The following ECT2 variants were observed in gnomAD, a reference collection of about 807,000 sequenced individuals.
ECT2 encodes the protein protein ECT2.
In ECT2, 61 loss-of-function variants were observed where a neutral mutation model predicts 116.9. The ratio of observed to expected loss-of-function variants is 0.52; its 90% CI spans 0.42 to 0.65. ECT2 has a LOEUF of 0.65. Among genes scored for constraint, ECT2 ranks in the 30% least tolerant of loss-of-function variants. The pLI is 0.00. For missense variants in ECT2, 937 were observed against 1,078.7 expected, an observed-to-expected ratio of 0.87 and a Z score of 1.84; for synonymous variants, 358 against 346.4, an observed-to-expected ratio of 1.03 and a Z score of -0.37.
chr3:172,778,044 A>G (rs527477505), intron 14 of ECT2, among the ~76,000 whole-genome samples: 5 of 152,298 alleles, frequency 3.3e-5, no homozygotes, highest in South Asian at 2.1e-4. Flanking sequence ...TTACTGTGCA[A>G]TGAGCTCAGC....
intron 22 of ECT2, among the ~76,000 whole-genome samples, chr3:172,809,573 ACACACACACACACACACACACACACG>A (rs1485735160): frequency 4.9e-5 from 5 of 101,026 alleles, no homozygotes; most frequent in African/African-American, 1.7e-4. Flanking sequence ...ATATCTACAC[ACACACACACACACACACACACACACG>A]CACACACACA....
downstream of ECT2, among the ~76,000 whole-genome samples, chr3:172,823,933 CT>C (rs71162315): frequency 0.66 from 83,390 of 126,358 alleles, 26,399 homozygotes; most frequent in East Asian, 0.72. Context: ...AAGTTTTTCT[CT>C]TTTTTTTTTT....
intron 18 of ECT2, among the ~76,000 whole-genome samples, chr3:172,800,946 G>C (rs1259733761): frequency 6.6e-6 from 1 of 152,122 alleles, no homozygotes; most frequent in East Asian, 1.9e-4. Flanking sequence ...GAATTTTGTT[G>C]TTATGAGGCT....
downstream of ECT2, among the ~76,000 whole-genome samples, chr3:172,826,423 C>A (rs1427041823): frequency 6.6e-6 from 1 of 152,202 alleles, no homozygotes; most frequent in Non-Finnish European, 1.5e-5. Context: ...GCATGGTTGA[C>A]TATTTTGAGC....
chr3:172,777,916 A>G (rs1418044011), intron 14 of ECT2, among the ~76,000 whole-genome samples: 1 of 152,204 alleles, frequency 6.6e-6, no homozygotes, highest in East Asian at 1.9e-4. Flanking sequence ...TGCAACTATG[A>G]TGAAACAAGA....
At chr3:172,801,107 C>T (rs1726633506) in intron 18 of ECT2, among the ~76,000 whole-genome samples, 1 of 151,876 alleles carries the variant, frequency 6.6e-6, no homozygotes, top group African/African-American at 2.4e-5. Flanking sequence ...ATTCACTTAT[C>T]TCTGTTTCAA....
rs963692626 is a variant in ECT2 at position 172,770,442 on chromosome 3, A to G, written c.1428+1299A>G. ...AAAGTTTCATACCACTTTGCTTAGTATAAACTCATCAAAGGTTTGTTTAAA... is the reference window on the plus strand; with the variant it reads ...AAAGTTTCATACCACTTTGCTTAGTGTAAACTCATCAAAGGTTTGTTTAAA... On this transcript the variant is annotated intron_variant, in intron 13 of 24. Transcript: ENST00000392692. Among the ~76,000 whole-genome samples the G allele has an allele frequency of 5.3e-5, 8 of 152,254 alleles. No homozygotes were observed. The South Asian group carries it at 6.2e-4, about 12-fold the overall frequency.
chr3:172,773,285 A>G (rs1720993006), intron 13 of ECT2, among the ~76,000 whole-genome samples: 2 of 152,070 alleles, frequency 1.3e-5, no homozygotes, highest in African/African-American at 4.8e-5. Context: ...GATACTATTT[A>G]CATTATATTT....
At chr3:172,797,438 T>C (rs984324909) in intron 18 of ECT2, among the ~76,000 whole-genome samples, 2 of 152,230 alleles carry the variant, frequency 1.3e-5, no homozygotes, top group Admixed American at 1.3e-4. Context: ...GATAACTCTT[T>C]GCTTCAGCTT....
chr3:172,795,409 C>A (rs1240649233), intron 18 of ECT2, among the ~76,000 whole-genome samples: 2 of 151,378 alleles, frequency 1.3e-5, no homozygotes, highest in Non-Finnish European at 2.9e-5. Context: ...ATGTTTGTTG[C>A]TGCTAAATGT....
downstream of ECT2, among the ~76,000 whole-genome samples, chr3:172,825,456 C>T (rs541529031): frequency 6.6e-6 from 1 of 152,166 alleles, no homozygotes; most frequent in East Asian, 1.9e-4. Context: ...TGCTAATAGC[C>T]GAGTTGTGAA....
At chr3:172,757,679 T>A (rs1188848242) in intron 5 of ECT2, among the ~76,000 whole-genome samples, 4 of 152,088 alleles carry the variant, frequency 2.6e-5, no homozygotes, top group African/African-American at 9.7e-5. Flanking sequence ...ACTCTCAAAG[T>A]TCTGGGATTA....
At chr3:172,783,740 A>G (rs1576938781) in intron 15 of ECT2, 59 bp from the exon 16 acceptor site, 1 of 1,114,852 alleles carries the variant, frequency 9.0e-7, no homozygotes. Context: ...TTTAAGTTAC[A>G]TTGTCTCTAA....
chr3:172,756,877 CAT>C, intron 4 of ECT2, 104 bp from the exon 5 acceptor site: 5 of 931,520 alleles, frequency 5.4e-6, no homozygotes, highest in South Asian at 1.8e-5. Flanking sequence ...CAAATATAAA[CAT>C]GTTAAAGTTG....
intron 12 of ECT2, among the ~76,000 whole-genome samples, chr3:172,767,021 G>A (rs1406947453): frequency 6.6e-6 from 1 of 152,212 alleles, no homozygotes; most frequent in African/African-American, 2.4e-5. Flanking sequence ...AATTAAATTA[G>A]ATCAGTGCAT....
intron 22 of ECT2, among the ~76,000 whole-genome samples, chr3:172,809,308 T>G (rs1201990821): frequency 6.6e-6 from 1 of 152,094 alleles, no homozygotes; most frequent in African/African-American, 2.4e-5. Context: ...GTACTAGAAC[T>G]GAAATATAAT....
In ECT2 at chr3:172,810,857, C is replaced by T. The variant is rs571970170; in HGVS notation, c.2400+2933C>T. The stretch of plus-strand genomic sequence containing the variant: ...CTCCTGAAATTAATATTATATATCT[C>T]AGTGGGAAAGATTGACTACTACTTT... On this transcript the variant is annotated intron_variant, in intron 22 of 24. Coordinates refer to ENST00000392692, the MANE Select transcript of ECT2 (RefSeq NM_001258315.2). Among the ~76,000 whole-genome samples the T allele has an allele frequency of 3.2e-4, 49 of 152,238 alleles. No individual in the cohort carries two copies. In the South Asian group the frequency reaches 0.01, roughly 32 times the overall value.
Position 172,816,730 on chromosome 3 carries a change from G to T in ECT2, c.2548G>T (p.Ala850Ser). 1 of 1,606,914 alleles carries T rather than the reference G, an allele frequency of 6.2e-7. No homozygotes were observed. Among genetic ancestry groups the T allele is most frequent in the Non-Finnish European group, 8.5e-7 (1 of 1,175,286 alleles). Residue 850 changes from alanine to serine, a missense_variant, in exon 24 of 25, where the codon GCT (alanine) becomes TCT (serine). By Grantham distance (99) the Ala-to-Ser change is moderately conservative. Transcript: ENST00000392692. ...CTCTTTCTCCAAAACTCCAAAAAGA[G>T]CTCTTCGAAGGGCTCTTATGACATC... Reference protein sequence around the residue: ...AFSFSKTPKRALRRALMTSHG... With the variant: ...AFSFSKTPKRSLRRALMTSHG...
At chr3:172,765,066 G>A (rs1313067935) in intron 12 of ECT2, among the ~76,000 whole-genome samples, 1 of 151,990 alleles carries the variant, frequency 6.6e-6, no homozygotes. Flanking sequence ...TTCACTTATT[G>A]TCCCATTTTT....
Sources: allele counts gnomAD v4.1 joint callset (sites outside exome capture counted in the v4.1 genomes callset), GRCh38; gene constraint gnomAD v4.1.1; transcripts MANE v1.5; gene names NCBI Gene and HGNC (gene_info 2026-07-23, HGNC 2026-07-21).